Variants in PARD3B observed in about 807,000 individuals in gnomAD.
PARD3B encodes the protein partitioning defective 3 homolog B.
Under a neutral mutation model 130.2 loss-of-function variants are expected in PARD3B, and 103 were observed. The ratio of observed to expected loss-of-function variants is 0.79; its 90% CI spans 0.67 to 0.93. PARD3B has a LOEUF of 0.93. Ranked by LOEUF, PARD3B falls within the 40% of genes least tolerant of loss-of-function variation. The pLI is 0.00. For synonymous variants in PARD3B, 583 were observed against 553.2 expected, an observed-to-expected ratio of 1.05 and a Z score of -0.76; for missense variants, 1,609 against 1,499.2, an observed-to-expected ratio of 1.07 and a Z score of -1.21.
rs1379894722 is a variant in PARD3B, at chr2:205,616,505, T to C, written c.*692T>C. On this transcript the variant is annotated 3_prime_UTR_variant, in exon 23 of 23. Transcript: ENST00000406610. ...TGATATGAAAGTCGGTAAAATGCAG[T>C]ATTAGTCCCGGGAGGATGTGCACAG... The C allele has an allele frequency of 1.3e-5, 2 of 152,192 alleles. No individual in the cohort carries two copies. Among genetic ancestry groups the C allele is most frequent in the South Asian group, 4.2e-4 (2 of 4,818 alleles). 9.4% of individuals were successfully genotyped at this position (152,192 alleles called of 1,614,324 possible).
intron 2 of PARD3B, among the ~76,000 whole-genome samples, chr2:204,821,574 A>G (rs955706839): frequency 5.3e-5 from 8 of 151,350 alleles, no homozygotes; most frequent in Admixed American, 1.3e-4. Flanking sequence ...GGATAGCTTT[A>G]GGAGATACAC....
At chr2:205,197,032 G>GGTGTGTGTGT (rs1220147246) in intron 15 of PARD3B, among the ~76,000 whole-genome samples, 19 of 55,228 alleles carry the variant, frequency 3.4e-4, no homozygotes, top group East Asian at 3.3e-3. Flanking sequence ...GTGGGGGGGG[G>GGTGTGTGTGT]GTGTGTGTGT....
chr2:204,627,388 A>T (rs1225862620), intron 1 of PARD3B, among the ~76,000 whole-genome samples: 1 of 152,184 alleles, frequency 6.6e-6, no homozygotes, highest in Non-Finnish European at 1.5e-5. Flanking sequence ...TAAAATTTTC[A>T]TAACAATAGA....
At chr2:205,391,962 TCTTAA>T (rs1559047980) in intron 18 of PARD3B, among the ~76,000 whole-genome samples, 1 of 152,164 alleles carries the variant, frequency 6.6e-6, no homozygotes, top group Non-Finnish European at 1.5e-5. Context: ...CTAACAAATC[TCTTAA>T]CTTTTCTTAC....
intron 2 of PARD3B, among the ~76,000 whole-genome samples, chr2:204,882,233 T>A (rs1258064883): frequency 2.0e-5 from 3 of 152,222 alleles, no homozygotes; most frequent in Non-Finnish European, 4.4e-5. Flanking sequence ...ATTTCTCTGT[T>A]TCCCAGAAGT....
chr2:205,278,732 A>C (rs2041052742), intron 16 of PARD3B, among the ~76,000 whole-genome samples: 1 of 152,162 alleles, frequency 6.6e-6, no homozygotes, highest in Non-Finnish European at 1.5e-5. Flanking sequence ...ACTTCAATTT[A>C]ATTCTAATTC....
At chr2:205,406,634 T>C (rs756710041) in intron 19 of PARD3B, among the ~76,000 whole-genome samples, 10 of 146,174 alleles carry the variant, frequency 6.8e-5, no homozygotes, top group South Asian at 6.7e-4. Flanking sequence ...TTAAGCCACA[T>C]AGCACCTAAA....
chr2:204,924,818 T>G (rs1393559435), intron 2 of PARD3B, among the ~76,000 whole-genome samples: 1 of 152,060 alleles, frequency 6.6e-6, no homozygotes, highest in Non-Finnish European at 1.5e-5. Context: ...CCGAATTGGA[T>G]TCACAGTAAT....
intron 15 of PARD3B, among the ~76,000 whole-genome samples, chr2:205,203,411 C>G (rs2037097508): frequency 6.7e-6 from 1 of 148,186 alleles, no homozygotes; most frequent in African/African-American, 2.5e-5. Flanking sequence ...TTTTACTATA[C>G]TTTTACTTTT....
intron 15 of PARD3B, among the ~76,000 whole-genome samples, chr2:205,203,445 T>C (rs1380805051): frequency 1.3e-5 from 2 of 152,056 alleles, no homozygotes; most frequent in African/African-American, 4.8e-5. Context: ...TTTACTATAC[T>C]TTTACTTTTT....
chr2:204,745,973 A>T lies in PARD3B; in HGVS notation c.222+59691A>T, dbSNP rs1020882909. On this transcript the variant is annotated intron_variant, in intron 2 of 22. Coordinates refer to ENST00000406610, the MANE Select transcript of PARD3B (RefSeq NM_001302769.2). The stretch of plus-strand genomic sequence containing the variant: ...GAACAAAAACATGTAATATAGCAGG[A>T]TTTTTTTTCTTTTTTTTTTTATTAT... 4.1e-5 allele frequency among the ~76,000 whole-genome samples: 6 copies of T among 145,514 alleles called. No homozygotes were observed. The South Asian group carries it at 6.6e-4, about 16-fold the overall frequency.
chr2:205,239,115 A>C (rs2125910269), intron 15 of PARD3B, among the ~76,000 whole-genome samples: 1 of 151,826 alleles, frequency 6.6e-6, no homozygotes, highest in South Asian at 2.1e-4. Context: ...AAATAAGTTC[A>C]GTAAGCTTGA....
intron 3 of PARD3B, among the ~76,000 whole-genome samples, chr2:205,012,433 A>C (rs2125311617): frequency 6.6e-6 from 1 of 152,326 alleles, no homozygotes; most frequent in East Asian, 1.9e-4. Context: ...TTAGCAGACT[A>C]ATCAGCTTAT....
At chr2:205,314,146 T>A (rs1487298551) in intron 18 of PARD3B, among the ~76,000 whole-genome samples, 1 of 152,196 alleles carries the variant, frequency 6.6e-6, no homozygotes, top group East Asian at 1.9e-4. Flanking sequence ...TTTAATAATT[T>A]GCTTGGGGGG....
At chr2:205,275,374 C>A (rs748129145) in intron 16 of PARD3B, among the ~76,000 whole-genome samples, 3 of 152,000 alleles carry the variant, frequency 2.0e-5, no homozygotes, top group Non-Finnish European at 4.4e-5. Context: ...TGTCTTATGG[C>A]AAAATATTTA....
At chr2:204,982,474 T>G (rs1221766077) in intron 3 of PARD3B, among the ~76,000 whole-genome samples, 5 of 152,200 alleles carry the variant, frequency 3.3e-5, no homozygotes, top group Admixed American at 6.5e-5. Context: ...GTACAGGGGC[T>G]TGGCCACATG....
At chr2:205,209,065 G>T (rs201703603) in intron 15 of PARD3B, among the ~76,000 whole-genome samples, 3 of 125,420 alleles carry the variant, frequency 2.4e-5, no homozygotes, top group African/African-American at 9.9e-5. Flanking sequence ...AAATAACGCC[G>T]CATATCTACA....
At chr2:204,997,014 G>A (rs1694273154) in intron 3 of PARD3B, among the ~76,000 whole-genome samples, 1 of 152,124 alleles carries the variant, frequency 6.6e-6, no homozygotes, top group African/African-American at 2.4e-5. Context: ...CGGTACCTCA[G>A]ATGGAAATGC....
At chr2:204,921,264 A>T (rs545179371) in intron 2 of PARD3B, among the ~76,000 whole-genome samples, 47 of 152,308 alleles carry the variant, frequency 3.1e-4, no homozygotes, top group African/African-American at 1.0e-3. Flanking sequence ...AGAAAGTTAT[A>T]GGTGGTTATT....
Sources: allele counts gnomAD v4.1 joint callset (sites outside exome capture counted in the v4.1 genomes callset), GRCh38; gene constraint gnomAD v4.1.1; transcripts MANE v1.5; gene names NCBI Gene and HGNC (gene_info 2026-07-23, HGNC 2026-07-21).